The following DLGAP2 variants were observed in gnomAD, a reference collection of about 807,000 sequenced individuals.
DLGAP2 encodes DLG associated protein 2.
DLGAP2 carries 26 observed loss-of-function variants against 100.3 expected under a neutral mutation model. That is an observed-to-expected ratio of 0.26 (90% CI 0.19 to 0.36). The LOEUF is 0.36. DLGAP2 is among the 10% of genes least tolerant of loss of function. The pLI is 1.00. For missense variants in DLGAP2, 1,858 were observed against 1,453.2 expected (o/e 1.28, Z -4.53); for synonymous variants, 886 against 630.1 (o/e 1.41, Z -6.08).
intron 2 of DLGAP2, among the ~76,000 whole-genome samples, chr8:953,885 C>G (rs1799538615): frequency 6.6e-6 from 1 of 152,190 alleles, no homozygotes; most frequent in Non-Finnish European, 1.5e-5. Flanking sequence ...TAAAACTGAT[C>G]TTGGTTGATG....
chr8:1,343,642 T>C (rs1801469950), intron 3 of DLGAP2, among the ~76,000 whole-genome samples: 1 of 152,212 alleles, frequency 6.6e-6, no homozygotes, highest in South Asian at 2.1e-4. Context: ...ACGTCCTGTT[T>C]TTCCTTGATA....
At chr8:1,184,233 A>G (rs75100741) in intron 2 of DLGAP2, among the ~76,000 whole-genome samples, 5,479 of 152,352 alleles carry the variant, frequency 0.036, 367 homozygotes, top group African/African-American at 0.13. Flanking sequence ...AAGTTGCACT[A>G]AAGAGAACAT....
intron 4 of DLGAP2, among the ~76,000 whole-genome samples, chr8:1,523,227 G>C (rs1007649730): frequency 6.6e-6 from 1 of 152,220 alleles, no homozygotes; most frequent in Admixed American, 6.5e-5. Context: ...TGAAGATGTA[G>C]CTCCCTCACA....
chr8:1,648,848 C>G (rs556364043), intron 8 of DLGAP2, among the ~76,000 whole-genome samples: 3 of 152,242 alleles, frequency 2.0e-5, no homozygotes, highest in Non-Finnish European at 4.4e-5. Context: ...TGGCTTCCTC[C>G]CATAGAAATC....
intron 2 of DLGAP2, among the ~76,000 whole-genome samples, chr8:1,111,278 C>T (rs542678956): frequency 6.6e-6 from 1 of 152,324 alleles, no homozygotes; most frequent in South Asian, 2.1e-4. Context: ...CGTCTTCCCT[C>T]AGCTCCCGGA....
At chr8:796,897 A>G (rs1235470587) in intron 1 of DLGAP2, among the ~76,000 whole-genome samples, 1 of 148,266 alleles carries the variant, frequency 6.7e-6, no homozygotes, top group Admixed American at 7.2e-5. Flanking sequence ...CTTTTTGCTC[A>G]GCAAACACCT....
At chr8:1,180,865 TGTG>T (rs1165385236) in intron 2 of DLGAP2, among the ~76,000 whole-genome samples, 2 of 95,882 alleles carry the variant, frequency 2.1e-5, no homozygotes, top group African/African-American at 6.8e-5. Flanking sequence ...TACCGTCGAA[TGTG>T]GTGCATGTTG....
chr8:1,575,272 G>C (rs1802918069), intron 6 of DLGAP2, among the ~76,000 whole-genome samples: 1 of 151,974 alleles, frequency 6.6e-6, no homozygotes. Flanking sequence ...GAGGGCATTA[G>C]GTTACATGAA....
chr8:1,684,151 T>G (rs1799051770), intron 12 of DLGAP2, among the ~76,000 whole-genome samples: 1 of 147,892 alleles, frequency 6.8e-6, no homozygotes, highest in African/African-American at 2.5e-5. Context: ...CCGGCTAATT[T>G]TTAATCAGAA....
chr8:1,024,620 C>G (rs1032826659), intron 2 of DLGAP2, among the ~76,000 whole-genome samples: 5 of 152,194 alleles, frequency 3.3e-5, no homozygotes, highest in African/African-American at 1.2e-4. Context: ...CCCTCATGCT[C>G]TGTTGTATGA....
At chr8:1,049,684 C>G (rs1802616585) in intron 2 of DLGAP2, among the ~76,000 whole-genome samples, 1 of 152,026 alleles carries the variant, frequency 6.6e-6, no homozygotes, top group South Asian at 2.1e-4. Context: ...TGAATACAGA[C>G]CCATGCATGC....
intron 2 of DLGAP2, among the ~76,000 whole-genome samples, chr8:1,199,220 C>T (rs1192349973): frequency 6.6e-6 from 1 of 152,174 alleles, no homozygotes; most frequent in Non-Finnish European, 1.5e-5. Flanking sequence ...AATATCTTCA[C>T]TCAGTGTGGA....
In DLGAP2 at chr8:1,632,946, C is replaced by A. The variant is rs770168947; in HGVS notation, c.1710C>A (p.His570Gln). Residue 570 changes from histidine to glutamine, a missense_variant, in exon 8 of 15, where the codon CAC (histidine) becomes CAA (glutamine). Transcript: ENST00000637795. ...CGGGATGTTTCCGAACAAGGAGTCA[C>A]AGCTACCTTCGAGCCATTCAAGCCG... ...DLPGCFRTRS[H>Q]SYLRAIQAGY... 1 of 1,614,006 alleles carries A rather than the reference C, an allele frequency of 6.2e-7. No homozygotes were observed.
chr8:1,159,870 C>A (rs548713871), intron 2 of DLGAP2, among the ~76,000 whole-genome samples: 1 of 152,304 alleles, frequency 6.6e-6, no homozygotes, highest in South Asian at 2.1e-4. Context: ...TCTACAGGCC[C>A]CCCAACCCCT....
intron 2 of DLGAP2, among the ~76,000 whole-genome samples, chr8:956,797 C>T (rs909441931): frequency 6.6e-6 from 1 of 152,168 alleles, no homozygotes; most frequent in African/African-American, 2.4e-5. Context: ...TTTCCAGGTA[C>T]TTTAGTGCAC....
At chr8:1,143,304 G>A (rs971197498) in intron 2 of DLGAP2, among the ~76,000 whole-genome samples, 1 of 152,216 alleles carries the variant, frequency 6.6e-6, no homozygotes. Context: ...TAAGCAGGGT[G>A]TCTGTCTGAA....
chr8:1,286,097 C>A (rs1435872081), intron 3 of DLGAP2, among the ~76,000 whole-genome samples: 1 of 152,182 alleles, frequency 6.6e-6, no homozygotes, highest in Non-Finnish European at 1.5e-5. Flanking sequence ...AAGGGCAGGA[C>A]CAGGTGGAGA....
intron 3 of DLGAP2, among the ~76,000 whole-genome samples, chr8:1,423,509 G>A (rs900197793): frequency 6.6e-6 from 1 of 152,340 alleles, no homozygotes; most frequent in East Asian, 1.9e-4. Flanking sequence ...GCTTGTCAAG[G>A]CATCAGCGCT....
chr8:1,492,772 A>G (rs1445133817), intron 3 of DLGAP2, among the ~76,000 whole-genome samples: 1 of 152,188 alleles, frequency 6.6e-6, no homozygotes, highest in African/African-American at 2.4e-5. Context: ...ATTTTGCGTG[A>G]AGACCTGTGT....
Sources: gnomAD v4.1 joint callset for allele counts (sites outside exome capture counted in the v4.1 genomes callset) on GRCh38, gnomAD v4.1.1 for gene constraint, MANE v1.5 for transcripts, NCBI Gene and HGNC (gene_info 2026-07-23, HGNC 2026-07-21) for gene names.